Variants in TMEM150C observed in about 807,000 individuals in gnomAD.
TMEM150C encodes the protein transmembrane protein 150C, also known as tentonin 3.
In TMEM150C, 10 loss-of-function variants were observed where a neutral mutation model predicts 29.9. That is an observed-to-expected ratio of 0.33 (90% CI 0.21 to 0.57). The LOEUF is 0.57. Among genes scored for constraint, TMEM150C ranks in the 20% least tolerant of loss-of-function variants. TMEM150C has a pLI of 0.88. For missense variants in TMEM150C, 251 were observed against 303.6 expected (o/e 0.83, Z 1.29); for synonymous variants, 101 against 112.5 (o/e 0.90, Z 0.64).
chr4:82,536,967 C>T lies in TMEM150C; in HGVS notation c.-11+24939G>A, dbSNP rs182844970. Among the ~76,000 whole-genome samples, 11 of 152,072 alleles carry T rather than the reference C, an allele frequency of 7.2e-5. 1 individual carries two copies. The East Asian group carries it at 2.1e-3, about 29-fold the overall frequency. On this transcript the variant is annotated intron_variant, in intron 1 of 7. Transcript: ENST00000449862. ...ATAGTAAGTGCACAAAAATTTTGTT[C>T]AACTTCAACAATTATTATTATTATT... is the stretch of plus-strand genomic sequence containing the variant.
In TMEM150C at chr4:82,502,936, T is replaced by TA. The variant is rs374026731; in HGVS notation, c.135-10dup. 179,236 of 1,062,104 alleles carry TA rather than the reference T, an allele frequency of 0.17. 1,562 individuals carry two copies. Among genetic ancestry groups the TA allele is most frequent in the Non-Finnish European group, 0.18 (140,224 of 768,360 alleles). The allele number at this position is 1,062,104 out of a possible 1,614,324, so 65.8% of individuals were successfully genotyped here. ...GCTTCACACCAGGTTTCCTGGATAATAAAAAAAAAAAACACAGAAGCTCAG... is the reference window on the plus strand; with the variant it reads ...GCTTCACACCAGGTTTCCTGGATAATAAAAAAAAAAAAACACAGAAGCTCAG... On this transcript the variant is annotated splice_polypyrimidine_tract_variant and intron_variant, in intron 3 of 7. Coordinates refer to ENST00000449862, the MANE Select transcript of TMEM150C (RefSeq NM_001080506.3).
intron 1 of TMEM150C, among the ~76,000 whole-genome samples, chr4:82,538,679 T>A (rs915335873): frequency 2.0e-5 from 3 of 151,530 alleles, no homozygotes; most frequent in Non-Finnish European, 4.4e-5. Flanking sequence ...CCCCGGAGAG[T>A]TTATCCCAGA....
At chr4:82,549,508 T>C (rs1193301941) in intron 1 of TMEM150C, among the ~76,000 whole-genome samples, 1 of 152,212 alleles carries the variant, frequency 6.6e-6, no homozygotes, top group Non-Finnish European at 1.5e-5. Flanking sequence ...GTTTCAGTTC[T>C]GTAAGACGAA....
intron 1 of TMEM150C, among the ~76,000 whole-genome samples, chr4:82,545,022 G>A (rs1725325664): frequency 6.6e-6 from 1 of 152,084 alleles, no homozygotes; most frequent in African/African-American, 2.4e-5. Flanking sequence ...TCAAGGAGGA[G>A]GGACTCCTCC....
At chr4:82,540,114 CTTTT>C (rs577728662) in intron 1 of TMEM150C, among the ~76,000 whole-genome samples, 1 of 47,262 alleles carries the variant, frequency 2.1e-5, no homozygotes, top group Non-Finnish European at 5.2e-5. Flanking sequence ...TCTACCTATT[CTTTT>C]TTTTTTTTTT....
At chr4:82,496,324 C>A (rs6834623) in intron 5 of TMEM150C, 129 bp from the exon 6 acceptor site, 189 of 904,878 alleles carry the variant, frequency 2.1e-4, no homozygotes, top group Non-Finnish European at 2.9e-4. Context: ...ATTCTAAAGC[C>A]GCAATGTGCA....
intron 1 of TMEM150C, among the ~76,000 whole-genome samples, chr4:82,526,867 T>C (rs1356673117): frequency 6.6e-6 from 1 of 152,084 alleles, no homozygotes; most frequent in African/African-American, 2.4e-5. Flanking sequence ...AATTATGCCT[T>C]TCACTGGTGA....
rs1342099628 is a variant in TMEM150C, at chr4:82,484,259, C to T, written c.*1252G>A. ...TTCATGAAGCACAGTCTCATAAGCC[C>T]ACACCTACGGTCTGAGTTCTGAACT... On this transcript the variant is annotated 3_prime_UTR_variant, in exon 8 of 8. Transcript: ENST00000449862. 2 of 152,114 alleles carry T rather than the reference C, an allele frequency of 1.3e-5. No homozygotes were observed. The highest frequency in any genetic ancestry group is 1.3e-4 in the Admixed American group (2 of 15,280). The allele number at this position is 152,114 out of a possible 1,614,324, so 9.4% of individuals were successfully genotyped here. A position where few individuals can be genotyped will look rare whatever the true frequency, so the allele number is the denominator to read the frequency against.
At chr4:82,522,076 ACTCTTTGTTTG>A (rs1266965262) in intron 1 of TMEM150C, among the ~76,000 whole-genome samples, 1 of 151,946 alleles carries the variant, frequency 6.6e-6, no homozygotes, top group Non-Finnish European at 1.5e-5. Flanking sequence ...AAAAAAATTT[ACTCTTTGTTTG>A]CTCTTTGTTT....
intron 1 of TMEM150C, among the ~76,000 whole-genome samples, chr4:82,519,370 T>G (rs1003972910): frequency 6.6e-6 from 1 of 152,156 alleles, no homozygotes; most frequent in Admixed American, 6.5e-5. Flanking sequence ...AAATCTCAGA[T>G]AGTAACAAAC....
chr4:82,491,633 C>T (rs979420411), intron 6 of TMEM150C: 5 of 571,014 alleles, frequency 8.8e-6, no homozygotes, highest in African/African-American at 1.9e-5. Flanking sequence ...TTCCTTTCAG[C>T]ACCTTTGGCA....
At chr4:82,506,540 AC>A (rs1723927298) in intron 1 of TMEM150C, among the ~76,000 whole-genome samples, 1 of 152,226 alleles carries the variant, frequency 6.6e-6, no homozygotes, top group African/African-American at 2.4e-5. Context: ...AATTATGGAC[AC>A]CCTACCTGTG....
At chr4:82,547,062 T>C (rs900247096) in intron 1 of TMEM150C, among the ~76,000 whole-genome samples, 3 of 152,030 alleles carry the variant, frequency 2.0e-5, no homozygotes, top group Admixed American at 6.6e-5. Flanking sequence ...CTAATTAAGC[T>C]AAAGAGTTTC....
At position 82,507,727 on chromosome 4, in the gene TMEM150C, C is replaced by CTTTTTTTTTTTTTTTTTTTTTTTTTTT. The variant is rs869112887; in HGVS notation, c.-10-3087_-10-3061dup. ...TTAAATTAACTCTCTCTCTCTCTCT[C>CTTTTTTTTTTTTTTTTTTTTTTTTTTT]TTTTTTTTTTTTTTTTTTTTTTTTT... On this transcript the variant is annotated intron_variant, in intron 1 of 7. Coordinates refer to ENST00000449862, the MANE Select transcript of TMEM150C (RefSeq NM_001080506.3). 1.9e-4 allele frequency among the ~76,000 whole-genome samples: 4 copies of CTTTTTTTTTTTTTTTTTTTTTTTTTTT among 20,594 alleles called. 1 individual carries two copies. Among genetic ancestry groups the CTTTTTTTTTTTTTTTTTTTTTTTTTTT allele is most frequent in the Non-Finnish European group, 3.0e-4 (4 of 13,494 alleles). 13.5% of individuals were successfully genotyped at this position (20,594 alleles called of 152,430 possible).
In TMEM150C at chr4:82,524,430, C is replaced by A. The variant is rs139616145; in HGVS notation, c.-10-19763G>T. On this transcript the variant is annotated intron_variant, in intron 1 of 7. Transcript: ENST00000449862. ...AGAGACATGTGTCTTGGGACCCCCACGTTTCATTATTTAGCTGTGAATTTC... is the reference window on the plus strand; with the variant it reads ...AGAGACATGTGTCTTGGGACCCCCAAGTTTCATTATTTAGCTGTGAATTTC... 2.3e-3 allele frequency among the ~76,000 whole-genome samples: 349 copies of A among 152,252 alleles called. 1 individual carries two copies. Among genetic ancestry groups the A allele is most frequent in the African/African-American group, 7.9e-3 (327 of 41,546 alleles).
At chr4:82,529,449 G>T (rs188950355) in intron 1 of TMEM150C, among the ~76,000 whole-genome samples, 14 of 151,996 alleles carry the variant, frequency 9.2e-5, no homozygotes, top group Non-Finnish European at 2.1e-4. Flanking sequence ...TGCCATGCTT[G>T]ACTAATTTTT....
intron 1 of TMEM150C, among the ~76,000 whole-genome samples, chr4:82,535,865 C>G (rs536049025): frequency 1.6e-4 from 25 of 152,238 alleles, no homozygotes; most frequent in African/African-American, 5.8e-4. Context: ...GTTGTGGGGG[C>G]TGACTTGTGC....
intron 1 of TMEM150C, among the ~76,000 whole-genome samples, chr4:82,510,985 C>A (rs1724104813): frequency 6.6e-6 from 1 of 151,994 alleles, no homozygotes; most frequent in African/African-American, 2.4e-5. Context: ...TTTGTTTTTC[C>A]CCTAAAATGT....
At chr4:82,490,673 C>T (rs921441436) in intron 6 of TMEM150C, 26 of 310,542 alleles carry the variant, frequency 8.4e-5, no homozygotes, top group Non-Finnish European at 6.2e-6. Context: ...GATCACGGCT[C>T]CCTGGCTCAA....
Sources: allele counts gnomAD v4.1 joint callset (sites outside exome capture counted in the v4.1 genomes callset), GRCh38; gene constraint gnomAD v4.1.1; transcripts MANE v1.5; gene names NCBI Gene and HGNC (gene_info 2026-07-23, HGNC 2026-07-21).